The following DCC variants were observed in gnomAD, a reference collection of about 807,000 sequenced individuals.
The protein encoded by DCC is DCC netrin 1 receptor.
DCC carries 58 observed loss-of-function variants against 172.5 expected under a neutral mutation model. The observed-to-expected ratio is 0.34, with a 90% CI of 0.27 to 0.42. The LOEUF (loss-of-function observed/expected upper bound fraction) is 0.42, where lower values mean the gene tolerates loss of function less well. Ranked by LOEUF, DCC falls within the 10% of genes least tolerant of loss-of-function variation. The pLI, the probability that DCC is intolerant of heterozygous loss-of-function variation, is 1.00. For missense variants in DCC, 1,740 were observed against 1,791.0 expected, an observed-to-expected ratio of 0.97 and a Z score of 0.51; for synonymous variants, 709 against 644.5, an observed-to-expected ratio of 1.10 and a Z score of -1.52.
chr18:52,783,802 A>G (rs1598798785), intron 2 of DCC, among the ~76,000 whole-genome samples: 1 of 151,964 alleles, frequency 6.6e-6, no homozygotes, highest in East Asian at 1.9e-4. Flanking sequence ...GGCAATACAT[A>G]CTTCATAAAT....
chr18:53,351,398 A>ACT lies in DCC; in HGVS notation c.2359+11491_2359+11492insCT, dbSNP rs1568075092. ...ATATATATACAGTATATATATATAC[A>ACT]GTGTATATATATATATATACACACT... is the stretch of plus-strand genomic sequence containing the variant. On this transcript the variant is annotated intron_variant, in intron 15 of 28. Transcript: ENST00000442544. 6.8e-3 allele frequency among the ~76,000 whole-genome samples: 96 copies of ACT among 14,066 alleles called. 5 individuals are homozygous for ACT. Among genetic ancestry groups the ACT allele is most frequent in the Admixed American group, 0.021 (15 of 712 alleles). 9.2% of individuals were successfully genotyped at this position (14,066 alleles called of 152,430 possible).
At chr18:53,278,650 A>G (rs1388747296) in intron 12 of DCC, among the ~76,000 whole-genome samples, 1 of 152,146 alleles carries the variant, frequency 6.6e-6, no homozygotes, top group African/African-American at 2.4e-5. Context: ...TTTCTCCTTA[A>G]AACAATTCAT....
At chr18:53,130,722 C>G (rs1227689511) in intron 7 of DCC, among the ~76,000 whole-genome samples, 1 of 152,084 alleles carries the variant, frequency 6.6e-6, no homozygotes, top group Non-Finnish European at 1.5e-5. Flanking sequence ...CCTTTGCTTC[C>G]CAACCATGTC....
At chr18:53,500,285 T>C (rs1337099250) in intron 27 of DCC, among the ~76,000 whole-genome samples, 1 of 151,402 alleles carries the variant, frequency 6.6e-6, no homozygotes, top group East Asian at 1.9e-4. Flanking sequence ...TGAATGTCAA[T>C]AGATAAGTAG....
chr18:52,934,253 A>T (rs941894273), intron 5 of DCC, among the ~76,000 whole-genome samples: 4 of 152,096 alleles, frequency 2.6e-5, no homozygotes, highest in African/African-American at 9.6e-5. Flanking sequence ...CTAGTGATCA[A>T]TATAACAATA....
At chr18:53,128,394 CT>C (rs1397163915) in intron 7 of DCC, among the ~76,000 whole-genome samples, 2 of 151,958 alleles carry the variant, frequency 1.3e-5, no homozygotes, top group Non-Finnish European at 2.9e-5. Flanking sequence ...CGTATTTTTC[CT>C]TCTAATATTT....
intron 1 of DCC, among the ~76,000 whole-genome samples, chr18:52,397,123 T>C (rs972989316): frequency 1.3e-5 from 2 of 152,062 alleles, no homozygotes; most frequent in Non-Finnish European, 2.9e-5. Context: ...TTTTCTTTTA[T>C]AAATGTTTAT....
intron 11 of DCC, among the ~76,000 whole-genome samples, chr18:53,213,859 TTAAA>T (rs1167288657): frequency 5.4e-5 from 8 of 149,080 alleles, no homozygotes; most frequent in Admixed American, 2.0e-4. Flanking sequence ...TTAGAATAGA[TTAAA>T]TAATAATACA....
chr18:52,981,422 G>T (rs2041206603), intron 5 of DCC, among the ~76,000 whole-genome samples: 1 of 151,728 alleles, frequency 6.6e-6, no homozygotes, highest in African/African-American at 2.4e-5. Flanking sequence ...CTTCACCCTT[G>T]TAGAATCTGA....
chr18:53,482,365 A>G (rs2045843081), intron 25 of DCC, among the ~76,000 whole-genome samples: 1 of 152,122 alleles, frequency 6.6e-6, no homozygotes, highest in Non-Finnish European at 1.5e-5. Context: ...ATTATTTGTA[A>G]ACCCTTTGTA....
chr18:52,493,612 C>A (rs2030612311), intron 1 of DCC, among the ~76,000 whole-genome samples: 1 of 151,930 alleles, frequency 6.6e-6, no homozygotes, highest in African/African-American at 2.4e-5. Flanking sequence ...TTTCTATTTG[C>A]CTCAATGATT....
intron 1 of DCC, among the ~76,000 whole-genome samples, chr18:52,620,673 C>A (rs1670896901): frequency 6.8e-6 from 1 of 147,726 alleles, no homozygotes; most frequent in Admixed American, 6.7e-5. Context: ...AAATTGGAGT[C>A]ATATTCAGTT....
At chr18:52,761,122 G>A (rs568281217) in intron 2 of DCC, among the ~76,000 whole-genome samples, 1 of 152,294 alleles carries the variant, frequency 6.6e-6, no homozygotes, top group South Asian at 2.1e-4. Flanking sequence ...ACATGGCTGG[G>A]GAGGCCTCAC....
intron 1 of DCC, among the ~76,000 whole-genome samples, chr18:52,532,849 T>C (rs1464071035): frequency 2.6e-5 from 4 of 152,110 alleles, no homozygotes; most frequent in Admixed American, 6.6e-5. Context: ...TGGTTTTTAG[T>C]ATATTCACCA....
chr18:52,725,744 A>G (rs2036542252), intron 1 of DCC, among the ~76,000 whole-genome samples: 1 of 152,242 alleles, frequency 6.6e-6, no homozygotes, highest in African/African-American at 2.4e-5. Context: ...AATACATATT[A>G]CAGAGGAAAA....
At position 53,526,609 on chromosome 18, in the gene DCC, T is replaced by C. The variant is rs753611668; in HGVS notation, c.4112-8T>C. The C allele has an allele frequency of 5.6e-6, 9 of 1,613,204 alleles. No homozygotes were observed. The Admixed American group carries it at 1.3e-4, about 24-fold the overall frequency. On this transcript the variant is annotated splice_region_variant and splice_polypyrimidine_tract_variant and intron_variant, in intron 27 of 28. Coordinates refer to ENST00000442544, the MANE Select transcript of DCC (RefSeq NM_005215.4). ...ACATTACTTTCATCACTGTGTTTTC[T>C]ATTTCAGGGCCCACTCTTCCTAAGA...
intron 1 of DCC, among the ~76,000 whole-genome samples, chr18:52,687,269 A>G (rs2035853187): frequency 6.9e-6 from 1 of 145,300 alleles, no homozygotes; most frequent in African/African-American, 2.6e-5. Flanking sequence ...TCGTTAGCTA[A>G]CTTTTTCTTT....
chr18:53,087,450 T>C (rs2042931767), intron 7 of DCC, among the ~76,000 whole-genome samples: 2 of 151,446 alleles, frequency 1.3e-5, no homozygotes, highest in African/African-American at 4.9e-5. Context: ...GATGGGGTTG[T>C]TTGTTTTTTT....
At chr18:53,383,588 C>G (rs970494043) in intron 15 of DCC, among the ~76,000 whole-genome samples, 1 of 149,836 alleles carries the variant, frequency 6.7e-6, no homozygotes. Flanking sequence ...ACCAGTTCTG[C>G]GAGAAGCTGC....
Sources: allele counts gnomAD v4.1 joint callset (sites outside exome capture counted in the v4.1 genomes callset), GRCh38; gene constraint gnomAD v4.1.1; transcripts MANE v1.5; gene names NCBI Gene and HGNC (gene_info 2026-07-23, HGNC 2026-07-21).